CPNE4: variants seen among roughly 807,000 people sequenced by gnomAD.
CPNE4 encodes the protein copine-4.
A neutral mutation model predicts 67.9 loss-of-function variants in CPNE4; 25 were observed. The observed-to-expected ratio is 0.37, with a 90% CI of 0.27 to 0.51. The LOEUF is 0.51. CPNE4 is among the 20% of genes least tolerant of loss of function. The probability of loss-of-function intolerance (pLI) is 0.93; values close to 1 mark genes in which losing one functional copy is unlikely to be tolerated. For synonymous variants in CPNE4, 242 were observed against 244.9 expected, an observed-to-expected ratio of 0.99 and a Z score of 0.11; for missense variants, 464 against 690.8, an observed-to-expected ratio of 0.67 and a Z score of 3.68.
chr3:131,960,920 C>T (rs867202198), intron 1 of CPNE4, among the ~76,000 whole-genome samples: 5 of 152,212 alleles, frequency 3.3e-5, no homozygotes, highest in African/African-American at 1.2e-4. Flanking sequence ...TAAACTTTTT[C>T]TCCACTGTAA....
intron 14 of CPNE4, among the ~76,000 whole-genome samples, chr3:131,546,812 G>C (rs957095554): frequency 6.6e-6 from 1 of 152,150 alleles, no homozygotes; most frequent in African/African-American, 2.4e-5. Flanking sequence ...GGGCCCCAGG[G>C]AGCCCTTAGG....
At chr3:131,776,894 T>A (rs568870069) in intron 2 of CPNE4, among the ~76,000 whole-genome samples, 56 of 152,244 alleles carry the variant, frequency 3.7e-4, no homozygotes, top group Non-Finnish European at 6.3e-4. Context: ...AAGAAGCACA[T>A]TGAAGCAAGT....
intron 7 of CPNE4, among the ~76,000 whole-genome samples, chr3:131,635,205 C>T (rs2079344967): frequency 6.6e-6 from 1 of 152,118 alleles, no homozygotes; most frequent in Non-Finnish European, 1.5e-5. Flanking sequence ...TCTCGGAAAA[C>T]CTGCGGGTCA....
chr3:131,993,381 A>G (rs1379509739), intron 1 of CPNE4, among the ~76,000 whole-genome samples: 1 of 130,180 alleles, frequency 7.7e-6, no homozygotes, highest in Admixed American at 9.0e-5. Context: ...TGAAAAAGCA[A>G]AAGATGATCA....
At chr3:131,958,609 CTTTTTTTTTTTTTTTTT>C (rs748126986) in intron 1 of CPNE4, among the ~76,000 whole-genome samples, 7 of 96,000 alleles carry the variant, frequency 7.3e-5, no homozygotes, top group African/African-American at 2.5e-4. Context: ...TCTTTCTTTT[CTTTTTTTTTTTTTTTTT>C]TTTTTTTTTT....
At chr3:131,641,482 A>ATGGC (rs2079539669) in intron 7 of CPNE4, among the ~76,000 whole-genome samples, 3 of 152,174 alleles carry the variant, frequency 2.0e-5, no homozygotes. Flanking sequence ...TCACATCTGC[A>ATGGC]AAAATGGCCA....
At position 131,930,621 on chromosome 3, in the gene CPNE4, C is replaced by G. The variant is rs142037912; in HGVS notation, c.-1-25177G>C. ...TCCTGGAGTCCTGTAATTTGGTAATCCTATTAAGCGCTTAGTACAGTGTCT... is the reference window on the plus strand; with the variant it reads ...TCCTGGAGTCCTGTAATTTGGTAATGCTATTAAGCGCTTAGTACAGTGTCT... On this transcript the variant is annotated intron_variant, in intron 1 of 15. Coordinates refer to ENST00000429747, the MANE Select transcript of CPNE4 (RefSeq NM_130808.3). 7.6e-3 allele frequency among the ~76,000 whole-genome samples: 1,157 copies of G among 152,146 alleles called. 15 individuals are homozygous for G. The highest frequency in any genetic ancestry group is 0.026 in the African/African-American group (1,076 of 41,484).
chr3:131,917,591 T>C (rs1338987727), intron 1 of CPNE4, among the ~76,000 whole-genome samples: 4 of 152,054 alleles, frequency 2.6e-5, no homozygotes, highest in Non-Finnish European at 2.9e-5. Flanking sequence ...CACTCTTTAA[T>C]AGTGAGACTT....
At chr3:131,681,268 T>C (rs1472463715) in intron 6 of CPNE4, among the ~76,000 whole-genome samples, 1 of 152,242 alleles carries the variant, frequency 6.6e-6, no homozygotes, top group African/African-American at 2.4e-5. Flanking sequence ...TTCTTATTGC[T>C]CATTAATGTT....
intron 1 of CPNE4, among the ~76,000 whole-genome samples, chr3:132,034,215 G>A (rs993389273): frequency 6.6e-6 from 1 of 151,892 alleles, no homozygotes; most frequent in Non-Finnish European, 1.5e-5. Flanking sequence ...CCCCTTCCCC[G>A]ATTTTGAAAA....
At chr3:131,766,462 T>C (rs1279556277) in intron 2 of CPNE4, among the ~76,000 whole-genome samples, 1 of 152,148 alleles carries the variant, frequency 6.6e-6, no homozygotes, top group Non-Finnish European at 1.5e-5. Flanking sequence ...GGTAAGTTTG[T>C]AGCATTTGCC....
chr3:131,978,065 AT>A, intron 1 of CPNE4, among the ~76,000 whole-genome samples: 1 of 33,142 alleles, frequency 3.0e-5, no homozygotes, highest in African/African-American at 1.3e-4. Context: ...ATAAATATAT[AT>A]AAATATATAT....
intron 7 of CPNE4, among the ~76,000 whole-genome samples, chr3:131,633,746 A>C (rs960820481): frequency 2.6e-5 from 4 of 151,852 alleles, no homozygotes; most frequent in Non-Finnish European, 5.9e-5. Flanking sequence ...GATAAGCCAA[A>C]TGTTCAATGT....
intron 3 of CPNE4, 74 bp from the exon 4 acceptor site, chr3:131,700,054 C>CTTTTTTTTTTTTTTTTTTTTTTTT (rs3035263): frequency 4.2e-6 from 1 of 236,166 alleles, no homozygotes; most frequent in African/African-American, 3.4e-5. Context: ...TTTTTTAAAC[C>CTTTTTTTTTTTTTTTTTTTTTTTT]TTTTTTTTTT....
In CPNE4 at chr3:131,669,701, T is replaced by C; in HGVS notation, c.655A>G (p.Ser219Gly). 1.2e-6 allele frequency: 2 copies of C among 1,613,870 alleles called. No homozygotes were observed. Among genetic ancestry groups the C allele is most frequent in the Admixed American group, 1.7e-5 (1 of 59,992 alleles). ...SFKVSVNSLC[S>G]GDPDRRLKCI... ...TTTAGCCGGCGGTCTGGGTCTCCGC[T>C]GCATAGAGAATTTACAGATACTTTG... The change falls in exon 7 of 16, where the codon AGC (serine) becomes GGC (glycine). Residue 219 changes from serine (S) to glycine (G), a missense_variant. Around this residue, in one of 6 missense-constraint regions of CPNE4, gnomAD observed 58 missense variants for 63.5 expected, o/e 0.91. Coordinates refer to ENST00000429747, the MANE Select transcript of CPNE4 (RefSeq NM_130808.3).
At chr3:131,780,930 T>C (rs1306956904) in intron 2 of CPNE4, among the ~76,000 whole-genome samples, 2 of 152,002 alleles carry the variant, frequency 1.3e-5, no homozygotes, top group Non-Finnish European at 2.9e-5. Context: ...AAACAGCACC[T>C]AGAGCACAGC....
chr3:131,673,200 G>C (rs1406655950), intron 6 of CPNE4, among the ~76,000 whole-genome samples: 2 of 151,964 alleles, frequency 1.3e-5, no homozygotes, highest in African/African-American at 4.8e-5. Context: ...GGGTTTATGT[G>C]TCTGTTTTTA....
chr3:132,014,766 T>C (rs892022004), intron 1 of CPNE4, among the ~76,000 whole-genome samples: 6 of 152,200 alleles, frequency 3.9e-5, no homozygotes, highest in Non-Finnish European at 7.3e-5. Flanking sequence ...AGTTATTTAA[T>C]GTTTTTGAGC....
intron 7 of CPNE4, among the ~76,000 whole-genome samples, chr3:131,593,354 T>C (rs1938650504): frequency 6.6e-6 from 1 of 152,236 alleles, no homozygotes; most frequent in African/African-American, 2.4e-5. Flanking sequence ...TTTTGTAGTT[T>C]TCAGTGTAGA....
Sources: gnomAD v4.1 joint callset for allele counts (sites outside exome capture counted in the v4.1 genomes callset) on GRCh38, gnomAD v4.1.1 for gene constraint, gnomAD v4.1.1 regional missense constraint, MANE v1.5 for transcripts, NCBI Gene and HGNC (gene_info 2026-07-23, HGNC 2026-07-21) for gene names.